The following HS2ST1 variants were observed in gnomAD, a reference collection of about 807,000 sequenced individuals.
The protein encoded by HS2ST1 is 2-O-sulfotransferase.
A neutral mutation model predicts 42.9 loss-of-function variants in HS2ST1; 18 were observed. The ratio of observed to expected loss-of-function variants is 0.42; its 90% CI spans 0.29 to 0.62. The LOEUF (loss-of-function observed/expected upper bound fraction) is 0.62, where lower values mean the gene tolerates loss of function less well. Ranked by LOEUF, HS2ST1 falls within the 20% of genes least tolerant of loss-of-function variation. The pLI is 0.21. For synonymous variants in HS2ST1, 146 were observed against 152.9 expected (o/e 0.95, Z 0.33); for missense variants, 334 against 433.8 (o/e 0.77, Z 2.04).
At chr1:87,015,370 C>CA in intron 1 of HS2ST1, among the ~76,000 whole-genome samples, 1 of 99,690 alleles carries the variant, frequency 1.0e-5, no homozygotes, top group African/African-American at 3.8e-5. Flanking sequence ...TTTTTTGAGA[C>CA]AGAGTCTCGT....
chr1:86,994,803 A>G (rs1309840140), intron 1 of HS2ST1, among the ~76,000 whole-genome samples: 2 of 152,168 alleles, frequency 1.3e-5, no homozygotes, highest in African/African-American at 4.8e-5. Flanking sequence ...TTTGTAGTAC[A>G]TCGACCAAGT....
chr1:87,032,394 A>G (rs1033854098), intron 1 of HS2ST1, among the ~76,000 whole-genome samples: 6 of 152,124 alleles, frequency 3.9e-5, no homozygotes, highest in African/African-American at 1.4e-4. Flanking sequence ...GTATAACTTT[A>G]TTTGTTAAAG....
Position 87,084,184 on chromosome 1 carries a change from C to A in HS2ST1, c.364-10C>A. The A allele has an allele frequency of 6.5e-7, 1 of 1,534,924 alleles. No individual in the cohort carries two copies. The highest frequency in any genetic ancestry group is 1.2e-5 in the South Asian group (1 of 83,604). ...AAATTGTATATAATGAATGTGTTCT[C>A]CCTTTTTAGGTGCGCTTTGTAAAGA... On this transcript the variant is annotated splice_polypyrimidine_tract_variant and intron_variant, in intron 2 of 6. Coordinates refer to ENST00000370550, the MANE Select transcript of HS2ST1 (RefSeq NM_012262.4).
At chr1:86,971,789 A>C (rs1648239753) in intron 1 of HS2ST1, among the ~76,000 whole-genome samples, 2 of 152,156 alleles carry the variant, frequency 1.3e-5, no homozygotes, top group Non-Finnish European at 1.5e-5. Context: ...TATAATGTTA[A>C]TACGTATTAA....
chr1:86,968,243 A>G (rs1310626859), intron 1 of HS2ST1, among the ~76,000 whole-genome samples: 2 of 152,118 alleles, frequency 1.3e-5, no homozygotes, highest in South Asian at 2.1e-4. Flanking sequence ...GGTTGTCTGT[A>G]CATTCTGATG....
chr1:86,930,279 C>T (rs1479723379), intron 1 of HS2ST1, among the ~76,000 whole-genome samples: 1 of 151,816 alleles, frequency 6.6e-6, no homozygotes, highest in African/African-American at 2.4e-5. Flanking sequence ...TCCTAATTAG[C>T]AGTGAAAACA....
chr1:87,038,244 A>T (rs1650432212), intron 1 of HS2ST1, among the ~76,000 whole-genome samples: 1 of 152,128 alleles, frequency 6.6e-6, no homozygotes, highest in Non-Finnish European at 1.5e-5. Context: ...GAAAGCAGTG[A>T]AATAAATGGA....
chr1:87,005,104 T>G (rs1204073484), intron 1 of HS2ST1, among the ~76,000 whole-genome samples: 1 of 152,172 alleles, frequency 6.6e-6, no homozygotes, highest in African/African-American at 2.4e-5. Context: ...CTGGTAAGAT[T>G]TTTTTTTCTT....
chr1:86,934,441 C>T (rs898909505), intron 1 of HS2ST1: 1 of 152,466 alleles, frequency 6.6e-6, no homozygotes, highest in Middle Eastern at 3.4e-3. Flanking sequence ...GCTTTTAATT[C>T]TCAAGCTAGT....
intron 1 of HS2ST1, among the ~76,000 whole-genome samples, chr1:86,994,339 T>C (rs1337596135): frequency 6.6e-6 from 1 of 152,138 alleles, no homozygotes; most frequent in Non-Finnish European, 1.5e-5. Flanking sequence ...TTTTCAATGC[T>C]TTTTAGTGGG....
chr1:86,989,663 A>G (rs970143593), intron 1 of HS2ST1, among the ~76,000 whole-genome samples: 1 of 152,128 alleles, frequency 6.6e-6, no homozygotes, highest in Non-Finnish European at 1.5e-5. Context: ...GGTGGTTTGC[A>G]GCACCCATCA....
In HS2ST1 at chr1:86,933,232, A is replaced by G. The variant is rs548990650; in HGVS notation, c.124+18072A>G. Among the ~76,000 whole-genome samples, 174 of 152,244 alleles carry G rather than the reference A, an allele frequency of 1.1e-3. 1 individual carries two copies. Among genetic ancestry groups the G allele is most frequent in the African/African-American group, 4.0e-3 (166 of 41,540 alleles). ...GTAGTTTGGTGTCTGTCAGTTTTGG[A>G]GAATTAACCACCATTATTCACATAT... is the stretch of plus-strand genomic sequence containing the variant. On this transcript the variant is annotated intron_variant, in intron 1 of 6. Coordinates refer to ENST00000370550, the MANE Select transcript of HS2ST1 (RefSeq NM_012262.4).
intron 2 of HS2ST1, among the ~76,000 whole-genome samples, chr1:87,080,818 T>C (rs1651667214): frequency 1.3e-5 from 2 of 152,162 alleles, no homozygotes; most frequent in Admixed American, 1.3e-4. Flanking sequence ...GGTGCTGCCC[T>C]GTCACATCAG....
At chr1:87,094,687 C>CA (rs1321241653) in intron 4 of HS2ST1, among the ~76,000 whole-genome samples, 2 of 152,018 alleles carry the variant, frequency 1.3e-5, no homozygotes, top group Non-Finnish European at 2.9e-5. Context: ...TCAATATTCA[C>CA]AAAAAAATCC....
At chr1:86,973,822 T>C (rs1483467539) in intron 1 of HS2ST1, among the ~76,000 whole-genome samples, 2 of 152,230 alleles carry the variant, frequency 1.3e-5, no homozygotes, top group Admixed American at 1.3e-4. Flanking sequence ...AAATATGATA[T>C]GTAGAATTCA....
At chr1:86,925,679 T>C (rs1660402333) in intron 1 of HS2ST1, among the ~76,000 whole-genome samples, 1 of 152,188 alleles carries the variant, frequency 6.6e-6, no homozygotes. Context: ...CATGATTCAA[T>C]TACCTCCTAC....
chr1:86,971,290 A>G (rs1385289751), intron 1 of HS2ST1, among the ~76,000 whole-genome samples: 1 of 149,586 alleles, frequency 6.7e-6, no homozygotes, highest in Non-Finnish European at 1.5e-5. Context: ...ATTATTTAAA[A>G]AACAAAACAA....
chr1:86,964,559 G>T (rs1326432849), intron 1 of HS2ST1, among the ~76,000 whole-genome samples: 2 of 152,260 alleles, frequency 1.3e-5, no homozygotes, highest in Non-Finnish European at 2.9e-5. Flanking sequence ...AATCAGGCAG[G>T]GAGGTTGCAG....
intron 6 of HS2ST1, among the ~76,000 whole-genome samples, chr1:87,104,104 G>T (rs1412710638): frequency 6.6e-6 from 1 of 152,112 alleles, no homozygotes. Context: ...AGAGAATACA[G>T]ATTATGAGAA....
Sources: gnomAD v4.1 joint callset for allele counts (sites outside exome capture counted in the v4.1 genomes callset) on GRCh38, gnomAD v4.1.1 for gene constraint, MANE v1.5 for transcripts, NCBI Gene and HGNC (gene_info 2026-07-23, HGNC 2026-07-21) for gene names.